The following TENM2 variants were observed in gnomAD, a reference collection of about 807,000 sequenced individuals.
TENM2 encodes teneurin-2.
A neutral mutation model predicts 245.2 loss-of-function variants in TENM2; 52 were observed. The ratio of observed to expected loss-of-function variants is 0.21; its 90% CI spans 0.17 to 0.27. The LOEUF is 0.27. Ranked by LOEUF, TENM2 falls within the 10% of genes least tolerant of loss-of-function variation. TENM2 has a pLI of 1.00. For missense variants in TENM2, 3,046 were observed against 3,666.8 expected, an observed-to-expected ratio of 0.83 and a Z score of 4.37; for synonymous variants, 1,363 against 1,438.9, an observed-to-expected ratio of 0.95 and a Z score of 1.19.
chr5:167,379,655 C>T (rs986922424), intron 2 of TENM2, among the ~76,000 whole-genome samples: 10 of 151,966 alleles, frequency 6.6e-5, no homozygotes, highest in Admixed American at 2.6e-4. Context: ...TAATCCCTCA[C>T]GTAAAATCAC....
At chr5:166,979,764 C>T in the TENM2 span, among the ~76,000 whole-genome samples, 1 of 100,284 alleles carries the variant, frequency 1.0e-5, no homozygotes, top group Admixed American at 1.2e-4. Flanking sequence ...GGGAGGTCAT[C>T]ATTAGTTGCA....
At chr5:167,647,117 G>A (rs1378036785) in intron 2 of TENM2, among the ~76,000 whole-genome samples, 1 of 152,058 alleles carries the variant, frequency 6.6e-6, no homozygotes, top group African/African-American at 2.4e-5. Context: ...AAGGTGGCTT[G>A]GAATAAGGAA....
chr5:167,381,976 A>G (rs1188988085), intron 2 of TENM2, among the ~76,000 whole-genome samples: 2 of 152,160 alleles, frequency 1.3e-5, no homozygotes, highest in Non-Finnish European at 2.9e-5. Flanking sequence ...TAATAAAATG[A>G]TTGTATATGT....
intron 5 of TENM2, among the ~76,000 whole-genome samples, chr5:168,009,297 A>G (rs1191440620): frequency 6.6e-6 from 1 of 152,208 alleles, no homozygotes; most frequent in African/African-American, 2.4e-5. Context: ...CCTTTTGATC[A>G]GTTGGTTAGA....
intron 2 of TENM2, among the ~76,000 whole-genome samples, chr5:167,869,080 G>T (rs768476734): frequency 1.5e-4 from 23 of 152,200 alleles, no homozygotes; most frequent in Non-Finnish European, 2.9e-4. Context: ...GGCTCAGTCT[G>T]CTGGACTCTG....
At chr5:167,555,893 G>A (rs1241255303) in intron 2 of TENM2, among the ~76,000 whole-genome samples, 1 of 152,052 alleles carries the variant, frequency 6.6e-6, no homozygotes, top group Non-Finnish European at 1.5e-5. Flanking sequence ...AAACTTCAAC[G>A]ACATGATTGC....
chr5:168,190,276 G>C, intron 13 of TENM2, 61 bp from the exon 16 acceptor site: 1 of 1,347,420 alleles, frequency 7.4e-7, no homozygotes. Context: ...AGGTGTTAGT[G>C]TCTCCAAACA....
At chr5:167,630,902 T>G (rs1778822978) in intron 2 of TENM2, among the ~76,000 whole-genome samples, 1 of 152,228 alleles carries the variant, frequency 6.6e-6, no homozygotes, top group African/African-American at 2.4e-5. Context: ...TGATTTATTT[T>G]CAGTCCACCT....
chr5:167,635,802 G>A (rs1291077458), intron 2 of TENM2, among the ~76,000 whole-genome samples: 1 of 151,454 alleles, frequency 6.6e-6, no homozygotes, highest in East Asian at 2.0e-4. Flanking sequence ...CTGCCACCAC[G>A]CCCAGCTAAT....
At chr5:167,740,142 T>C (rs562807469) in intron 2 of TENM2, among the ~76,000 whole-genome samples, 1 of 152,164 alleles carries the variant, frequency 6.6e-6, no homozygotes, top group African/African-American at 2.4e-5. Context: ...GTTCTTCCCA[T>C]TTTCACTTAC....
chr5:167,960,042 C>T (rs914097831), intron 4 of TENM2, among the ~76,000 whole-genome samples: 21 of 152,342 alleles, frequency 1.4e-4, no homozygotes, highest in Admixed American at 1.2e-3. Context: ...ACAGCAAAGA[C>T]TGCTGCCTGT....
intron 2 of TENM2, among the ~76,000 whole-genome samples, chr5:167,564,080 G>T (rs1246953137): frequency 6.6e-6 from 1 of 152,182 alleles, no homozygotes; most frequent in African/African-American, 2.4e-5. Context: ...CCCTCTTGAA[G>T]CTTACATTCT....
chr5:167,426,828 A>T (rs1763854267), intron 2 of TENM2, among the ~76,000 whole-genome samples: 1 of 152,168 alleles, frequency 6.6e-6, no homozygotes, highest in African/African-American at 2.4e-5. Flanking sequence ...AAAAAAAATC[A>T]ACAACATATG....
chr5:167,835,712 A>G (rs2151118435), intron 2 of TENM2, among the ~76,000 whole-genome samples: 1 of 152,328 alleles, frequency 6.6e-6, no homozygotes, highest in East Asian at 1.9e-4. Flanking sequence ...GCATATGAAT[A>G]TAGTAACTAA....
chr5:167,595,069 T>C (rs890417289), intron 2 of TENM2, among the ~76,000 whole-genome samples: 1 of 152,174 alleles, frequency 6.6e-6, no homozygotes, highest in Non-Finnish European at 1.5e-5. Flanking sequence ...GGTTCTTCAT[T>C]TGGAGAACAT....
At chr5:168,237,912 G>T (rs2152665422) in intron 25 of TENM2, among the ~76,000 whole-genome samples, 1 of 151,816 alleles carries the variant, frequency 6.6e-6, no homozygotes, top group South Asian at 2.1e-4. Flanking sequence ...AGAGGCCAAG[G>T]CGGGCAGATC....
chr5:167,599,041 C>T (rs894995288), intron 2 of TENM2, among the ~76,000 whole-genome samples: 1 of 152,046 alleles, frequency 6.6e-6, no homozygotes, highest in Non-Finnish European at 1.5e-5. Context: ...AAAATGAATG[C>T]TTGGAGTAGA....
chr5:167,469,902 T>C (rs1329973030), intron 2 of TENM2, among the ~76,000 whole-genome samples: 5 of 152,170 alleles, frequency 3.3e-5, no homozygotes, highest in African/African-American at 9.6e-5. Flanking sequence ...ATGTGTTTTG[T>C]TTCATCATAA....
chr5:167,943,367 G>A (rs1158246660), intron 3 of TENM2, among the ~76,000 whole-genome samples: 1 of 151,892 alleles, frequency 6.6e-6, no homozygotes, highest in African/African-American at 2.4e-5. Context: ...ATCTTTCTAT[G>A]TTTGGGGGAA....
Sources: allele counts gnomAD v4.1 joint callset (sites outside exome capture counted in the v4.1 genomes callset), GRCh38; gene constraint gnomAD v4.1.1; transcripts MANE v1.5; gene names NCBI Gene and HGNC (gene_info 2026-07-23, HGNC 2026-07-21).